The following RIT2 variants were observed in gnomAD, a reference collection of about 807,000 sequenced individuals.
The protein encoded by RIT2 is Ras like without CAAX 2.
Under a neutral mutation model 23.7 loss-of-function variants are expected in RIT2, and 24 were observed. That is an observed-to-expected ratio of 1.01 (90% CI 0.73 to 1.43). The LOEUF is 1.43. RIT2 is among the 40% of genes most tolerant of loss of function. The pLI is 0.00. For synonymous variants in RIT2, 107 were observed against 91.1 expected (o/e 1.17, Z -0.99); for missense variants, 236 against 266.9 (o/e 0.88, Z 0.81).
At chr18:42,803,395 C>T (rs1490079333) in intron 4 of RIT2, among the ~76,000 whole-genome samples, 2 of 152,028 alleles carry the variant, frequency 1.3e-5, no homozygotes, top group African/African-American at 2.4e-5. Flanking sequence ...GTATCTGACC[C>T]GGTTTGATTT....
intron 1 of RIT2, among the ~76,000 whole-genome samples, chr18:43,087,968 T>C (rs539070800): frequency 6.6e-6 from 1 of 152,292 alleles, no homozygotes; most frequent in East Asian, 1.9e-4. Flanking sequence ...TCTTAATAAT[T>C]TTACTTCATT....
chr18:42,811,989 C>T (rs187432132), intron 4 of RIT2, among the ~76,000 whole-genome samples: 3 of 152,086 alleles, frequency 2.0e-5, no homozygotes, highest in East Asian at 1.9e-4. Flanking sequence ...GCTACGGGTA[C>T]ATAAAGAAGA....
At position 42,966,253 on chromosome 18, in the gene RIT2, TC is replaced by T. The variant is rs140028511; in HGVS notation, c.234+7820del. On this transcript the variant is annotated intron_variant, in intron 3 of 4. Coordinates refer to ENST00000326695, the MANE Select transcript of RIT2 (RefSeq NM_002930.4). The stretch of plus-strand genomic sequence containing the variant: ...AGTAATTATAGGATGCAAAGTTCTT[TC>T]ATTGTCCAACACAAAAATGAAATGC... Among the ~76,000 whole-genome samples, 730 of 152,304 alleles carry T rather than the reference TC, an allele frequency of 4.8e-3. 9 individuals are homozygous for T. Among genetic ancestry groups the T allele is most frequent in the African/African-American group, 0.017 (697 of 41,578 alleles).
At chr18:42,891,600 G>A (rs1908177018) in intron 4 of RIT2, among the ~76,000 whole-genome samples, 2 of 152,114 alleles carry the variant, frequency 1.3e-5, no homozygotes, top group Admixed American at 1.3e-4. Context: ...GTAAGACATG[G>A]AATAACTTCA....
At chr18:42,881,284 A>G (rs1392052659) in intron 4 of RIT2, among the ~76,000 whole-genome samples, 1 of 152,194 alleles carries the variant, frequency 6.6e-6, no homozygotes, top group African/African-American at 2.4e-5. Flanking sequence ...AATAATTCAC[A>G]TATATTTTGC....
intron 4 of RIT2, among the ~76,000 whole-genome samples, chr18:42,862,194 A>G (rs58101588): frequency 0.025 from 3,766 of 152,182 alleles, 150 homozygotes; most frequent in African/African-American, 0.084. Context: ...TGGTTCCCCT[A>G]TGCTGTTCTT....
Position 42,945,469 on chromosome 18 carries a change from C to T in RIT2, c.235-21706G>A, listed in dbSNP as rs746693462. ...AACATAGACTGGCAAAGATCCATTCCGTTAGAATATCACAGGCTGAACATG... is the reference window on the plus strand; with the variant it reads ...AACATAGACTGGCAAAGATCCATTCTGTTAGAATATCACAGGCTGAACATG... On this transcript the variant is annotated intron_variant, in intron 3 of 4. Transcript: ENST00000326695. Among the ~76,000 whole-genome samples, 6 of 152,022 alleles carry T rather than the reference C, an allele frequency of 3.9e-5. No individual in the cohort carries two copies. The East Asian group carries it at 1.2e-3, about 29-fold the overall frequency.
At chr18:42,885,186 C>A (rs1373710701) in intron 4 of RIT2, among the ~76,000 whole-genome samples, 1 of 152,176 alleles carries the variant, frequency 6.6e-6, no homozygotes, top group Non-Finnish European at 1.5e-5. Context: ...AACTAAAGAG[C>A]TTTATGTGCT....
At chr18:42,880,147 T>A (rs191884742) in intron 4 of RIT2, among the ~76,000 whole-genome samples, 8 of 152,164 alleles carry the variant, frequency 5.3e-5, no homozygotes, top group African/African-American at 1.7e-4. Flanking sequence ...GGGATAATAG[T>A]ATAGTTGTGT....
In RIT2 at chr18:43,097,065, C is replaced by G. The variant is rs570741713; in HGVS notation, c.103+18352G>C. Among the ~76,000 whole-genome samples, 9 of 151,956 alleles carry G rather than the reference C, an allele frequency of 5.9e-5. No homozygotes were observed. In the East Asian group the frequency reaches 1.7e-3, roughly 29 times the overall value. On this transcript the variant is annotated intron_variant, in intron 1 of 4. Transcript: ENST00000326695. ...ACAAATATGCAAGTGTCCCATGTAT[C>G]CTGAGCCCTTGCTATCATGAGAAAG...
At chr18:42,877,819 A>C (rs1190448807) in intron 4 of RIT2, among the ~76,000 whole-genome samples, 2 of 151,710 alleles carry the variant, frequency 1.3e-5, no homozygotes, top group Non-Finnish European at 2.9e-5. Flanking sequence ...ATATTACATG[A>C]AACTAACTTC....
chr18:42,836,524 C>T (rs1262699056), intron 4 of RIT2, among the ~76,000 whole-genome samples: 3 of 152,152 alleles, frequency 2.0e-5, no homozygotes, highest in African/African-American at 7.2e-5. Context: ...CAACAAAATT[C>T]TACTTCTTCA....
At chr18:42,780,006 T>C (rs149007286) in intron 4 of RIT2, among the ~76,000 whole-genome samples, 2 of 148,736 alleles carry the variant, frequency 1.3e-5, no homozygotes, top group East Asian at 4.0e-4. Flanking sequence ...ATGTTTTATA[T>C]ATATTAAAAA....
chr18:43,058,193 T>C (rs1185817995), intron 1 of RIT2, among the ~76,000 whole-genome samples: 1 of 152,108 alleles, frequency 6.6e-6, no homozygotes, highest in Non-Finnish European at 1.5e-5. Context: ...GTCCTTTTTT[T>C]ATGTATTTCA....
intron 4 of RIT2, among the ~76,000 whole-genome samples, chr18:42,762,366 G>T (rs138615616): frequency 3.5e-4 from 54 of 152,282 alleles, no homozygotes; most frequent in Admixed American, 3.1e-3. Context: ...GAAGAAAAAT[G>T]AGTATATGGT....
intron 2 of RIT2, among the ~76,000 whole-genome samples, chr18:43,018,211 G>A: frequency 6.6e-6 from 1 of 151,980 alleles, no homozygotes; most frequent in East Asian, 1.9e-4. Context: ...AGCCACAGAT[G>A]TTTCTGGCAT....
At chr18:42,858,171 ACT>A (rs947123365) in intron 4 of RIT2, among the ~76,000 whole-genome samples, 77 of 152,254 alleles carry the variant, frequency 5.1e-4, no homozygotes, top group Admixed American at 3.7e-3. Flanking sequence ...AAAGAATGAG[ACT>A]CTGTCTCAAA....
intron 4 of RIT2, among the ~76,000 whole-genome samples, chr18:42,802,606 G>A (rs1051043619): frequency 3.7e-4 from 56 of 152,264 alleles, no homozygotes; most frequent in Non-Finnish European, 7.5e-4. Context: ...TAAAAGGATG[G>A]AGGCATTATT....
intron 3 of RIT2, among the ~76,000 whole-genome samples, chr18:42,972,296 T>C (rs1386925868): frequency 6.6e-6 from 1 of 151,968 alleles, no homozygotes; most frequent in African/African-American, 2.4e-5. Flanking sequence ...CATAAGTCCA[T>C]TGTTCAAATG....
Sources: gnomAD v4.1 joint callset for allele counts (sites outside exome capture counted in the v4.1 genomes callset) on GRCh38, gnomAD v4.1.1 for gene constraint, MANE v1.5 for transcripts, NCBI Gene and HGNC (gene_info 2026-07-23, HGNC 2026-07-21) for gene names.